Variants in EXOC4 observed in about 807,000 individuals in gnomAD.
EXOC4 encodes the protein exocyst complex component 4.
A neutral mutation model predicts 107.2 loss-of-function variants in EXOC4; 71 were observed. The observed-to-expected ratio is 0.66, with a 90% CI of 0.55 to 0.81. The LOEUF (loss-of-function observed/expected upper bound fraction) is 0.81, where lower values mean the gene tolerates loss of function less well. Among genes scored for constraint, EXOC4 ranks in the 30% least tolerant of loss-of-function variants. The pLI is 0.00. For missense variants in EXOC4, 1,108 were observed against 1,189.6 expected (o/e 0.93, Z 1.01); for synonymous variants, 456 against 441.2 (o/e 1.03, Z -0.42).
At chr7:133,517,794 A>G (rs1434136742) in intron 9 of EXOC4, among the ~76,000 whole-genome samples, 1 of 152,156 alleles carries the variant, frequency 6.6e-6, no homozygotes, top group African/African-American at 2.4e-5. Context: ...CCATATCACC[A>G]TGTAAGAGTT....
chr7:133,724,381 C>G (rs1298868746), intron 10 of EXOC4, among the ~76,000 whole-genome samples: 1 of 152,170 alleles, frequency 6.6e-6, no homozygotes, highest in African/African-American at 2.4e-5. Context: ...CTTCATATAC[C>G]TTAATTCTTC....
At chr7:133,950,714 G>GT (rs1307040214) in intron 14 of EXOC4, among the ~76,000 whole-genome samples, 2 of 152,196 alleles carry the variant, frequency 1.3e-5, no homozygotes, top group Admixed American at 1.3e-4. Context: ...GATTATTGTT[G>GT]TAAGCATCAA....
At chr7:133,508,863 A>C (rs1799714246) in intron 9 of EXOC4, among the ~76,000 whole-genome samples, 1 of 152,176 alleles carries the variant, frequency 6.6e-6, no homozygotes, top group African/African-American at 2.4e-5. Context: ...ATACCACACT[A>C]TTGAAAAATA....
chr7:133,780,796 G>A (rs1193112900), intron 10 of EXOC4, among the ~76,000 whole-genome samples: 1 of 152,104 alleles, frequency 6.6e-6, no homozygotes, highest in Non-Finnish European at 1.5e-5. Context: ...TCCCCAAAGC[G>A]GATTCTCTTG....
At chr7:133,905,241 A>G (rs1466009708) in intron 12 of EXOC4, among the ~76,000 whole-genome samples, 1 of 152,074 alleles carries the variant, frequency 6.6e-6, no homozygotes. Context: ...GAGCTTAGAG[A>G]TCTGAGGAAA....
intron 5 of EXOC4, among the ~76,000 whole-genome samples, chr7:133,336,128 C>T (rs539631847): frequency 1.3e-5 from 2 of 152,124 alleles, no homozygotes; most frequent in Non-Finnish European, 2.9e-5. Flanking sequence ...ATATTTTCTT[C>T]CATTTCATAG....
At chr7:133,816,932 G>C (rs1294684420) in intron 10 of EXOC4, among the ~76,000 whole-genome samples, 2 of 152,150 alleles carry the variant, frequency 1.3e-5, no homozygotes, top group Non-Finnish European at 2.9e-5. Flanking sequence ...GCCCGGTGTG[G>C]GGGTAGGGGG....
At chr7:133,419,224 G>C (rs571235827) in intron 7 of EXOC4, among the ~76,000 whole-genome samples, 1 of 152,092 alleles carries the variant, frequency 6.6e-6, no homozygotes, top group Non-Finnish European at 1.5e-5. Context: ...ATTTTGGGTG[G>C]TTATGGACTT....
intron 7 of EXOC4, among the ~76,000 whole-genome samples, chr7:133,409,930 A>G (rs1000336492): frequency 5.3e-5 from 8 of 152,122 alleles, no homozygotes; most frequent in Admixed American, 1.3e-4. Context: ...TTGTTTTTCA[A>G]TAGTTAGGCT....
rs573218560 is a variant in EXOC4 at position 133,816,886 on chromosome 7, G to C, written c.1515-439G>C. Reference sequence around the variant, plus strand: ...CTGCTCACCACCTGCTGTGCGGTCTGGTTCCTAACAGGCCACAGACCCGTA... The same window carrying C: ...CTGCTCACCACCTGCTGTGCGGTCTCGTTCCTAACAGGCCACAGACCCGTA... On this transcript the variant is annotated intron_variant, in intron 10 of 17. Coordinates refer to ENST00000253861, the MANE Select transcript of EXOC4 (RefSeq NM_021807.4). Among the ~76,000 whole-genome samples, 6 of 152,262 alleles carry C rather than the reference G, an allele frequency of 3.9e-5. No homozygotes were observed. The South Asian group carries it at 1.2e-3, about 32-fold the overall frequency.
intron 9 of EXOC4, among the ~76,000 whole-genome samples, chr7:133,537,942 A>G (rs1051894553): frequency 9.2e-5 from 14 of 152,174 alleles, no homozygotes; most frequent in Admixed American, 3.3e-4. Context: ...GTTTTCTTTT[A>G]TAAATAAATG....
chr7:133,574,098 T>G (rs184975285), intron 9 of EXOC4, among the ~76,000 whole-genome samples: 1 of 152,342 alleles, frequency 6.6e-6, no homozygotes, highest in Non-Finnish European at 1.5e-5. Context: ...ATTAATAGTT[T>G]GTAATTATTA....
At chr7:134,033,053 G>A (rs1044801892) in intron 17 of EXOC4, among the ~76,000 whole-genome samples, 3 of 152,104 alleles carry the variant, frequency 2.0e-5, no homozygotes, top group South Asian at 2.1e-4. Flanking sequence ...ATAAATGACA[G>A]CAACTTTCTG....
chr7:133,574,988 T>C (rs142442609), intron 9 of EXOC4, among the ~76,000 whole-genome samples: 1 of 152,360 alleles, frequency 6.6e-6, no homozygotes, highest in East Asian at 1.9e-4. Context: ...GTTTATATTA[T>C]CTGTATTGGT....
At chr7:133,735,386 C>T (rs1795423335) in intron 10 of EXOC4, among the ~76,000 whole-genome samples, 1 of 151,548 alleles carries the variant, frequency 6.6e-6, no homozygotes, top group African/African-American at 2.4e-5. Flanking sequence ...GTTTATAAAC[C>T]TCTACTAGAT....
At chr7:133,582,593 T>A (rs1241695581) in intron 9 of EXOC4, among the ~76,000 whole-genome samples, 2 of 152,026 alleles carry the variant, frequency 1.3e-5, no homozygotes, top group East Asian at 3.9e-4. Context: ...TTTTTTTTTT[T>A]ATTTTAAATA....
chr7:133,256,790 G>GTA (rs1195720981), intron 1 of EXOC4, among the ~76,000 whole-genome samples: 2 of 152,114 alleles, frequency 1.3e-5, no homozygotes, highest in African/African-American at 4.8e-5. Context: ...AAAACTACAG[G>GTA]TGGATAAGGG....
At chr7:133,710,114 G>A (rs922481125) in intron 10 of EXOC4, among the ~76,000 whole-genome samples, 5 of 151,904 alleles carry the variant, frequency 3.3e-5, no homozygotes, top group Non-Finnish European at 1.5e-5. Flanking sequence ...GTATGCCATA[G>A]TAGCCAGGCA....
chr7:134,042,061 CA>C (rs34665613), intron 17 of EXOC4, among the ~76,000 whole-genome samples: 9,210 of 152,018 alleles, frequency 0.061, 403 homozygotes, highest in Middle Eastern at 0.14. Flanking sequence ...CTAGTCCTCC[CA>C]AGCAGAATAA....
Sources: gnomAD v4.1 joint callset for allele counts (sites outside exome capture counted in the v4.1 genomes callset) on GRCh38, gnomAD v4.1.1 for gene constraint, MANE v1.5 for transcripts, NCBI Gene and HGNC (gene_info 2026-07-23, HGNC 2026-07-21) for gene names.